Variants in MYLK4 observed in about 807,000 individuals in gnomAD.
The protein encoded by MYLK4 is caMLCK like.
Under a neutral mutation model 48.1 loss-of-function variants are expected in MYLK4, and 46 were observed. The observed-to-expected ratio is 0.96, with a 90% CI of 0.75 to 1.22. MYLK4 has a LOEUF of 1.22. MYLK4 is among the 50% of genes most tolerant of loss of function. MYLK4 has a pLI of 0.00. For missense variants in MYLK4, 451 were observed against 486.1 expected, an observed-to-expected ratio of 0.93 and a Z score of 0.68; for synonymous variants, 170 against 180.8, an observed-to-expected ratio of 0.94 and a Z score of 0.48.
At chr6:2,680,364 A>G (rs1014820450) in intron 7 of MYLK4, 73 bp from the exon 8 acceptor site, 9 of 1,605,044 alleles carry the variant, frequency 5.6e-6, no homozygotes, top group Non-Finnish European at 7.6e-6. Context: ...AACCACAACT[A>G]AAAATACAAC....
chr6:2,754,428 T>C (rs977502800), upstream of MYLK4, among the ~76,000 whole-genome samples: 1 of 149,676 alleles, frequency 6.7e-6, no homozygotes, highest in Non-Finnish European at 1.5e-5. Flanking sequence ...GCCAGAAACA[T>C]AGAGCACAGA....
At chr6:2,719,917 C>T (rs1208281128) in intron 2 of MYLK4, among the ~76,000 whole-genome samples, 1 of 152,052 alleles carries the variant, frequency 6.6e-6, no homozygotes, top group African/African-American at 2.4e-5. Context: ...GCGGGTGGAT[C>T]ACCTGAGGTC....
At chr6:2,679,802 G>A (rs1040686881) in intron 8 of MYLK4, among the ~76,000 whole-genome samples, 3 of 152,192 alleles carry the variant, frequency 2.0e-5, no homozygotes, top group Non-Finnish European at 2.9e-5. Flanking sequence ...TGTCGTTAAT[G>A]TGCTGAATTG....
At chr6:2,690,995 AT>A (rs1470622672) in intron 3 of MYLK4, among the ~76,000 whole-genome samples, 2 of 151,506 alleles carry the variant, frequency 1.3e-5, no homozygotes, top group South Asian at 2.1e-4. Flanking sequence ...CGCCCGGCTA[AT>A]TTTTTTGTAT....
chr6:2,720,632 A>G (rs1763036218), intron 2 of MYLK4, among the ~76,000 whole-genome samples: 1 of 152,196 alleles, frequency 6.6e-6, no homozygotes, highest in Non-Finnish European at 1.5e-5. Flanking sequence ...TGTCACAAGA[A>G]TAGGATTCGT....
In MYLK4 at chr6:2,728,203, C is replaced by T. The variant is rs1763351935; in HGVS notation, c.159+20933G>A. 2.6e-5 allele frequency among the ~76,000 whole-genome samples: 4 copies of T among 152,174 alleles called. No homozygotes were observed. The South Asian group carries it at 8.3e-4, about 32-fold the overall frequency. The stretch of plus-strand genomic sequence containing the variant: ...AAACAAAGGTCCCAACAAATGGCAT[C>T]AGACATTGGGCAGCAAATACTGCTG... On this transcript the variant is annotated intron_variant, in intron 2 of 12. Coordinates refer to ENST00000274643, the MANE Select transcript of MYLK4 (RefSeq NM_001012418.5).
intron 2 of MYLK4, among the ~76,000 whole-genome samples, chr6:2,698,777 T>A (rs531163488): frequency 1.3e-5 from 2 of 152,316 alleles, no homozygotes; most frequent in Non-Finnish European, 2.9e-5. Flanking sequence ...AGCAAATCTA[T>A]TTCCCTTCAA....
chr6:2,686,349 A>G (rs972775151), intron 4 of MYLK4, among the ~76,000 whole-genome samples: 38 of 152,368 alleles, frequency 2.5e-4, no homozygotes, highest in African/African-American at 8.9e-4. Context: ...TGGAAACTGC[A>G]TATGTAACAA....
At chr6:2,747,518 T>G (rs556206474) in intron 2 of MYLK4, among the ~76,000 whole-genome samples, 1 of 152,068 alleles carries the variant, frequency 6.6e-6, no homozygotes, top group Non-Finnish European at 1.5e-5. Context: ...CTATTTTATT[T>G]GTATTTTTTT....
chr6:2,767,838 C>T, the MYLK4 span, among the ~76,000 whole-genome samples: 1 of 152,158 alleles, frequency 6.6e-6, no homozygotes, highest in Non-Finnish European at 1.5e-5. Flanking sequence ...ATTTGCAAGC[C>T]TAGGCATCTG....
rs543599676 is a variant in MYLK4, at chr6:2,678,337, T to C, written c.923A>G (p.Asp308Gly). 35 of 1,614,018 alleles carry C rather than the reference T, an allele frequency of 2.2e-5. No homozygotes were observed. The East Asian group carries it at 2.2e-4, about 10-fold the overall frequency. ...CAGGATGTTGTTCAGCGTCTCAGCA[T>C]CATTGTCACCCAGGAAAGGCGACAA... ...SGLSPFLGDN[D>G]AETLNNILAC... The change falls in exon 10 of 13, where the codon GAT (aspartate) becomes GGT (glycine). Residue 308 changes from aspartate to glycine, a missense_variant. Physicochemically the swap from Asp to Gly is moderately conservative, Grantham distance 94 (BLOSUM62 -1). Transcript: ENST00000274643.
At chr6:2,688,406 A>G (rs921871161) in intron 4 of MYLK4, among the ~76,000 whole-genome samples, 1 of 152,222 alleles carries the variant, frequency 6.6e-6, no homozygotes, top group African/African-American at 2.4e-5. Flanking sequence ...TGTCCCTAAA[A>G]TAAGTTATTT....
At position 2,685,160 on chromosome 6, in the gene MYLK4, T is replaced by C. The variant is rs1761478011; in HGVS notation, c.545+136A>G. 4.6e-6 allele frequency: 3 copies of C among 652,154 alleles called. No individual in the cohort carries two copies. Among genetic ancestry groups the C allele is most frequent in the Non-Finnish European group, 8.4e-6 (3 of 357,176 alleles). 40.4% of individuals were successfully genotyped at this position (652,154 alleles called of 1,614,324 possible). A position where few individuals can be genotyped will look rare whatever the true frequency, so the allele number is the denominator to read the frequency against. On this transcript the variant is annotated intron_variant, in intron 6 of 12. Transcript: ENST00000274643. This position sits in a 1 kb window ranked among gnomAD's most constrained non-coding sequence, Gnocchi z 4.5. ...TTCCCTTCTAGAACTGATGTGATTG[T>C]GTGATCCGCGCGAATCAGAGTCTGC...
rs376001882 is a variant in MYLK4 at position 2,685,799 on chromosome 6, G to A, written c.342-223C>T. On this transcript the variant is annotated intron_variant, in intron 4 of 12. Coordinates refer to ENST00000274643, the MANE Select transcript of MYLK4 (RefSeq NM_001012418.5). This position sits in a 1 kb window ranked among gnomAD's most constrained non-coding sequence, Gnocchi z 4.5. The stretch of plus-strand genomic sequence containing the variant: ...AAGAAAGCAGGTCTCGGCCGGGCAC[G>A]GTGGCTCACACCTGTAATCCCAGCA... Among the ~76,000 whole-genome samples, 3 of 152,102 alleles carry A rather than the reference G, an allele frequency of 2.0e-5. No individual in the cohort carries two copies. The highest frequency in any genetic ancestry group is 2.9e-5 in the Non-Finnish European group (2 of 68,030).
At position 2,683,164 on chromosome 6, in the gene MYLK4, T is replaced by C. The variant is rs200685938; in HGVS notation, c.546-2A>G. 6.2e-7 allele frequency: 1 copy of C among 1,614,132 alleles called. No individual in the cohort carries two copies. The highest frequency in any genetic ancestry group is 8.5e-7 in the Non-Finnish European group (1 of 1,180,004). On this transcript the variant is annotated splice_acceptor_variant, in intron 6 of 12. Transcript: ENST00000274643. LOFTEE classifies it high-confidence loss of function. ...TCAAACAGCTCCCCACCATCCACAC[T>C]GCAGAGGGAAGAGGACTGAAACCCT...
chr6:2,764,209 C>G, the MYLK4 span, among the ~76,000 whole-genome samples: 1 of 152,168 alleles, frequency 6.6e-6, no homozygotes, highest in Non-Finnish European at 1.5e-5. Context: ...GTTTCTCTAG[C>G]GTTTCTATTA....
At chr6:2,684,540 T>A (rs1343924434) in intron 6 of MYLK4, among the ~76,000 whole-genome samples, 5 of 152,138 alleles carry the variant, frequency 3.3e-5, no homozygotes, top group Non-Finnish European at 7.4e-5. Flanking sequence ...CAGTCGGCCC[T>A]CCCTATTCGT....
chr6:2,709,793 C>A (rs769877808), intron 2 of MYLK4, among the ~76,000 whole-genome samples: 1 of 152,136 alleles, frequency 6.6e-6, no homozygotes, highest in Non-Finnish European at 1.5e-5. Flanking sequence ...ATTTCCCTTT[C>A]AGGTTTGGTT....
intron 2 of MYLK4, among the ~76,000 whole-genome samples, chr6:2,694,578 CTGGTGGTGGTGG>C (rs74207680): frequency 2.2e-5 from 1 of 46,166 alleles, no homozygotes. Context: ...GGTAGTGCTG[CTGGTGGTGGTGG>C]TGGTGGTGGT....
Sources: gnomAD v4.1 joint callset for allele counts (sites outside exome capture counted in the v4.1 genomes callset) on GRCh38, gnomAD v4.1.1 for gene constraint, Gnocchi (gnomAD v3.1) non-coding constraint, MANE v1.5 for transcripts, NCBI Gene and HGNC (gene_info 2026-07-23, HGNC 2026-07-21) for gene names.